The following NRG1 variants were observed in gnomAD, a reference collection of about 807,000 sequenced individuals.
The protein encoded by NRG1 is neuregulin 1.
NRG1 carries 18 observed loss-of-function variants against 63.8 expected under a neutral mutation model. That is an observed-to-expected ratio of 0.28 (90% CI 0.19 to 0.42). NRG1 has a LOEUF of 0.42. Among genes scored for constraint, NRG1 ranks in the 10% least tolerant of loss-of-function variants. The pLI is 1.00. For synonymous variants in NRG1, 302 were observed against 301.3 expected, an observed-to-expected ratio of 1.00 and a Z score of -0.02; for missense variants, 762 against 814.7, an observed-to-expected ratio of 0.94 and a Z score of 0.79.
chr8:32,058,234 C>T (rs1823281475), intron 1 of NRG1, among the ~76,000 whole-genome samples: 2 of 151,904 alleles, frequency 1.3e-5, no homozygotes, highest in South Asian at 4.2e-4. Flanking sequence ...AGAAAATCTT[C>T]AATAACTCAA....
chr8:32,335,261 A>G (rs1803121028), intron 1 of NRG1, among the ~76,000 whole-genome samples: 1 of 152,196 alleles, frequency 6.6e-6, no homozygotes, highest in South Asian at 2.1e-4. Context: ...GAGGCTTTCT[A>G]CATGGTGCAT....
chr8:32,160,224 T>C (rs1838674359), intron 1 of NRG1, among the ~76,000 whole-genome samples: 1 of 152,192 alleles, frequency 6.6e-6, no homozygotes, highest in African/African-American at 2.4e-5. Context: ...GCAGACACGT[T>C]CAAATATGCA....
chr8:32,559,180 G>C (rs1835821926), intron 1 of NRG1, among the ~76,000 whole-genome samples: 1 of 131,386 alleles, frequency 7.6e-6, no homozygotes, highest in African/African-American at 2.8e-5. Context: ...TTTACAGAGA[G>C]AAATAACCCT....
intron 1 of NRG1, among the ~76,000 whole-genome samples, chr8:31,705,405 C>G (rs1248880661): frequency 6.6e-6 from 1 of 152,010 alleles, no homozygotes; most frequent in Non-Finnish European, 1.5e-5. Flanking sequence ...CTCTCTTTTG[C>G]TCTTTCATCT....
chr8:32,154,965 T>A (rs149942392), intron 1 of NRG1, among the ~76,000 whole-genome samples: 10 of 152,306 alleles, frequency 6.6e-5, no homozygotes, highest in African/African-American at 2.2e-4. Context: ...CAGGGAATTG[T>A]TATAATTGTT....
chr8:31,669,089 C>T (rs1330993195), intron 1 of NRG1, among the ~76,000 whole-genome samples: 1 of 152,086 alleles, frequency 6.6e-6, no homozygotes, highest in Non-Finnish European at 1.5e-5. Flanking sequence ...AGGTCTCGCT[C>T]TGTCACCCCA....
intron 1 of NRG1, among the ~76,000 whole-genome samples, chr8:32,012,763 C>T (rs574487758): frequency 6.6e-6 from 1 of 152,196 alleles, no homozygotes; most frequent in South Asian, 2.1e-4. Flanking sequence ...AAGTGCCTAG[C>T]TCAATGTTTG....
At chr8:32,084,253 AT>A (rs1827904579) in intron 1 of NRG1, among the ~76,000 whole-genome samples, 4 of 152,104 alleles carry the variant, frequency 2.6e-5, no homozygotes, top group African/African-American at 9.7e-5. Context: ...TTATGAGTTC[AT>A]TTATGGAAAT....
chr8:32,141,023 A>G (rs2131728044), intron 1 of NRG1, among the ~76,000 whole-genome samples: 1 of 151,488 alleles, frequency 6.6e-6, no homozygotes, highest in Non-Finnish European at 1.5e-5. Flanking sequence ...TTCTCTGTCA[A>G]TTATTTTATT....
At chr8:32,768,359 A>C (rs1831578554), downstream of NRG1, among the ~76,000 whole-genome samples, 1 of 152,222 alleles carries the variant, frequency 6.6e-6, no homozygotes, top group Non-Finnish European at 1.5e-5. Context: ...AGGTAACGAA[A>C]AATGCTCTCA....
At chr8:32,690,904 C>T (rs1366052820) in intron 5 of NRG1, among the ~76,000 whole-genome samples, 1 of 149,760 alleles carries the variant, frequency 6.7e-6, no homozygotes, top group African/African-American at 2.5e-5. Flanking sequence ...CTATTAGTTA[C>T]ATGGAAACTT....
chr8:32,001,879 T>C (rs1045578373), intron 1 of NRG1, among the ~76,000 whole-genome samples: 3 of 152,180 alleles, frequency 2.0e-5, no homozygotes, highest in African/African-American at 7.2e-5. Context: ...TGAGGTAGTG[T>C]TGTCAGATTA....
intron 1 of NRG1, among the ~76,000 whole-genome samples, chr8:31,977,608 G>A (rs1204183511): frequency 6.6e-6 from 1 of 151,660 alleles, no homozygotes; most frequent in Admixed American, 6.6e-5. Flanking sequence ...CAATATACAA[G>A]CAAACCAATT....
At chr8:32,323,160 T>C (rs775837451) in intron 1 of NRG1, among the ~76,000 whole-genome samples, 7 of 152,074 alleles carry the variant, frequency 4.6e-5, no homozygotes, top group Non-Finnish European at 5.9e-5. Flanking sequence ...GTAAAGAAGA[T>C]TCCTCCTCCC....
chr8:32,156,957 T>C (rs1349105763), intron 1 of NRG1, among the ~76,000 whole-genome samples: 2 of 152,056 alleles, frequency 1.3e-5, no homozygotes, highest in Admixed American at 6.5e-5. Flanking sequence ...TTCTAGGATA[T>C]TGGAGTTGAT....
intron 1 of NRG1, among the ~76,000 whole-genome samples, chr8:32,233,564 T>TATATATATATATATATA (rs1554660618): frequency 3.7e-4 from 10 of 27,142 alleles, no homozygotes; most frequent in African/African-American, 1.7e-3. Context: ...TATATATATA[T>TATATATATATATATATA]TTTTTTTTTT....
At position 32,495,444 on chromosome 8, in the gene NRG1, C is replaced by T. The variant is rs988687613; in HGVS notation, c.38-100384C>T. Among the ~76,000 whole-genome samples the T allele has an allele frequency of 5.9e-5, 9 of 152,150 alleles. 1 individual carries two copies. The highest frequency in any genetic ancestry group is 5.9e-4 in the Admixed American group (9 of 15,274). ...TAAACCTCTTTCTTTATAAATTACT[C>T]AGTCTTGGGTATGTCTTTGTTGTTG... is the stretch of plus-strand genomic sequence containing the variant. On this transcript the variant is annotated intron_variant, in intron 1 of 10. Transcript: ENST00000519301.
intron 1 of NRG1, among the ~76,000 whole-genome samples, chr8:32,376,048 T>C (rs554493630): frequency 6.6e-6 from 1 of 152,356 alleles, no homozygotes; most frequent in African/African-American, 2.4e-5. Context: ...AATAATTTTA[T>C]GGAATAATCA....
intron 1 of NRG1, among the ~76,000 whole-genome samples, chr8:32,386,481 G>A (rs1811042531): frequency 6.6e-6 from 1 of 152,190 alleles, no homozygotes; most frequent in Non-Finnish European, 1.5e-5. Context: ...TGGAGATTCA[G>A]TGAGAGATTC....
Sources: gnomAD v4.1 joint callset for allele counts (sites outside exome capture counted in the v4.1 genomes callset) on GRCh38, gnomAD v4.1.1 for gene constraint, MANE v1.5 for transcripts, NCBI Gene and HGNC (gene_info 2026-07-23, HGNC 2026-07-21) for gene names.